GABRB2: variants seen among roughly 807,000 people sequenced by gnomAD.
GABRB2 encodes gamma-aminobutyric acid type A receptor subunit beta2.
Under a neutral mutation model 54.7 loss-of-function variants are expected in GABRB2, and 16 were observed. The observed-to-expected ratio is 0.29, with a 90% CI of 0.20 to 0.44. The LOEUF (loss-of-function observed/expected upper bound fraction) is 0.44, where lower values mean the gene tolerates loss of function less well. Among genes scored for constraint, GABRB2 ranks in the 20% least tolerant of loss-of-function variants. GABRB2 has a pLI of 1.00. For synonymous variants in GABRB2, 244 were observed against 233.8 expected, an observed-to-expected ratio of 1.04 and a Z score of -0.40; for missense variants, 355 against 644.0, an observed-to-expected ratio of 0.55 and a Z score of 4.86.
chr5:161,402,830 T>G (rs1756238414), intron 5 of GABRB2, among the ~76,000 whole-genome samples: 2 of 152,154 alleles, frequency 1.3e-5, no homozygotes, highest in Non-Finnish European at 2.9e-5. Context: ...CTCCTGCCCA[T>G]TCACATGTGA....
chr5:161,457,120 G>C (rs1411772022), intron 4 of GABRB2, among the ~76,000 whole-genome samples: 2 of 152,174 alleles, frequency 1.3e-5, no homozygotes, highest in Non-Finnish European at 2.9e-5. Flanking sequence ...TATATTTCCT[G>C]ATGAATGTTC....
chr5:161,383,622 G>A (rs1755536491), intron 5 of GABRB2, among the ~76,000 whole-genome samples: 1 of 152,100 alleles, frequency 6.6e-6, no homozygotes. Flanking sequence ...GCCACATGTG[G>A]TGAGTGACTA....
chr5:161,445,574 T>C (rs928556566), intron 4 of GABRB2, among the ~76,000 whole-genome samples: 2 of 152,114 alleles, frequency 1.3e-5, no homozygotes, highest in African/African-American at 4.8e-5. Flanking sequence ...TAGAAGAGAC[T>C]CTTTAAGTCT....
At chr5:161,467,227 CAG>C (rs1205542219) in intron 3 of GABRB2, among the ~76,000 whole-genome samples, 1 of 152,068 alleles carries the variant, frequency 6.6e-6, no homozygotes, top group Admixed American at 6.6e-5. Flanking sequence ...TAGATGGTTT[CAG>C]AGAAATCACT....
At chr5:161,323,266 G>T (rs536036311) in intron 9 of GABRB2, among the ~76,000 whole-genome samples, 1 of 152,080 alleles carries the variant, frequency 6.6e-6, no homozygotes, top group Non-Finnish European at 1.5e-5. Context: ...CAAGTGATCC[G>T]CCCATCTCAG....
At chr5:161,328,033 T>G (rs536300570) in intron 8 of GABRB2, among the ~76,000 whole-genome samples, 1 of 152,290 alleles carries the variant, frequency 6.6e-6, no homozygotes, top group East Asian at 1.9e-4. Context: ...GAAAGCTTGA[T>G]GGTCAGCATT....
In GABRB2 at chr5:161,507,032, T is replaced by G. The variant is rs553479167; in HGVS notation, c.237+38195A>C. On this transcript the variant is annotated intron_variant, in intron 3 of 9. Coordinates refer to ENST00000393959, the MANE Select transcript of GABRB2 (RefSeq NM_001371727.1). ...AGAAATTAGTCGGGTAAGAAAACAT[T>G]GATGAATTGAACTTTGTAAGAATTT... 2.0e-5 allele frequency among the ~76,000 whole-genome samples: 3 copies of G among 152,222 alleles called. No homozygotes were observed. The South Asian group carries it at 6.2e-4, about 32-fold the overall frequency.
At chr5:161,362,257 G>A (rs1370738075) in intron 5 of GABRB2, among the ~76,000 whole-genome samples, 1 of 152,068 alleles carries the variant, frequency 6.6e-6, no homozygotes, top group South Asian at 2.1e-4. Context: ...TTGGCTATAT[G>A]GGCTCTTCTT....
chr5:161,359,582 CAAG>C lies in GABRB2; in HGVS notation c.542-22816_542-22814del, dbSNP rs561730140. On this transcript the variant is annotated intron_variant, in intron 5 of 9. Coordinates refer to ENST00000393959, the MANE Select transcript of GABRB2 (RefSeq NM_001371727.1). ...TATTGGTGATGATAATACATGATAA[CAAG>C]AAGACTATTTTTAAAACTTTACCAT... is the stretch of plus-strand genomic sequence containing the variant. Among the ~76,000 whole-genome samples the C allele has an allele frequency of 2.3e-4, 35 of 152,140 alleles. No individual in the cohort carries two copies. The South Asian group carries it at 2.5e-3, about 11-fold the overall frequency.
At chr5:161,452,538 T>C (rs1030358114) in intron 4 of GABRB2, among the ~76,000 whole-genome samples, 4 of 152,340 alleles carry the variant, frequency 2.6e-5, no homozygotes, top group African/African-American at 9.6e-5. Context: ...AGATTAAATC[T>C]GATTTTTACC....
chr5:161,498,906 A>G (rs1455087232), intron 3 of GABRB2, among the ~76,000 whole-genome samples: 1 of 152,172 alleles, frequency 6.6e-6, no homozygotes, highest in Non-Finnish European at 1.5e-5. Context: ...AGAGCATATT[A>G]CATATGCATC....
At chr5:161,351,464 A>G (rs1400655144) in intron 5 of GABRB2, among the ~76,000 whole-genome samples, 1 of 152,136 alleles carries the variant, frequency 6.6e-6, no homozygotes, top group Non-Finnish European at 1.5e-5. Context: ...AATCTCTTCA[A>G]TAAATAGCAT....
At chr5:161,548,127 A>T (rs1761047736), upstream of GABRB2, 1 of 152,624 alleles carries the variant, frequency 6.6e-6, no homozygotes, top group African/African-American at 2.4e-5. Flanking sequence ...CCCCGCGCCC[A>T]GGGGACTCGC....
intron 3 of GABRB2, among the ~76,000 whole-genome samples, chr5:161,528,555 A>G (rs1760355841): frequency 6.6e-6 from 1 of 151,836 alleles, no homozygotes; most frequent in Non-Finnish European, 1.5e-5. Context: ...GGACAATGCC[A>G]GGACTGCCAA....
At chr5:161,457,173 A>G (rs1757978795) in intron 4 of GABRB2, among the ~76,000 whole-genome samples, 1 of 152,190 alleles carries the variant, frequency 6.6e-6, no homozygotes. Context: ...GCTGAGAACA[A>G]TCACCATTCA....
At chr5:161,383,382 T>A (rs1268489982) in intron 5 of GABRB2, among the ~76,000 whole-genome samples, 1 of 152,158 alleles carries the variant, frequency 6.6e-6, no homozygotes, top group Non-Finnish European at 1.5e-5. Context: ...TTTTTTCAAT[T>A]TTTCTAAATT....
intron 4 of GABRB2, among the ~76,000 whole-genome samples, chr5:161,442,584 A>G (rs1239368677): frequency 1.3e-5 from 2 of 152,160 alleles, no homozygotes; most frequent in Non-Finnish European, 2.9e-5. Context: ...ACTGCTAAGC[A>G]ATATGCCTGC....
intron 3 of GABRB2, among the ~76,000 whole-genome samples, chr5:161,499,849 C>G (rs1759375643): frequency 6.6e-6 from 1 of 152,012 alleles, no homozygotes; most frequent in Non-Finnish European, 1.5e-5. Context: ...TTGCTTGTCT[C>G]TATTAATAAT....
chr5:161,532,076 T>C (rs1352808062), intron 3 of GABRB2, among the ~76,000 whole-genome samples: 1 of 152,094 alleles, frequency 6.6e-6, no homozygotes, highest in Non-Finnish European at 1.5e-5. Context: ...TGGTAAGAGC[T>C]CAACAGTGAT....
Sources: allele counts gnomAD v4.1 joint callset (sites outside exome capture counted in the v4.1 genomes callset), GRCh38; gene constraint gnomAD v4.1.1; transcripts MANE v1.5; gene names NCBI Gene and HGNC (gene_info 2026-07-23, HGNC 2026-07-21).